The following ERI3 variants were observed in gnomAD, a reference collection of about 807,000 sequenced individuals.
ERI3 encodes ERI1 exoribonuclease family member 3.
A neutral mutation model predicts 44.4 loss-of-function variants in ERI3; 18 were observed. The ratio of observed to expected loss-of-function variants is 0.41; its 90% CI spans 0.28 to 0.60. The LOEUF (loss-of-function observed/expected upper bound fraction) is 0.60. Among genes scored for constraint, ERI3 ranks in the 20% least tolerant of loss-of-function variants. ERI3 has a pLI of 0.36. For synonymous variants in ERI3, 183 were observed against 164.8 expected (o/e 1.11, Z -0.84); for missense variants, 294 against 435.5 (o/e 0.68, Z 2.89).
At chr1:44,251,345 T>A (rs1644675358) in intron 7 of ERI3, among the ~76,000 whole-genome samples, 2 of 152,210 alleles carry the variant, frequency 1.3e-5, no homozygotes, top group African/African-American at 4.8e-5. Flanking sequence ...CTGCCACACT[T>A]CCATTACTTG....
chr1:44,321,292 A>G (rs1646197530), intron 3 of ERI3, among the ~76,000 whole-genome samples: 1 of 152,188 alleles, frequency 6.6e-6, no homozygotes, highest in African/African-American at 2.4e-5. Flanking sequence ...CTGATCTCCA[A>G]AGATGAGGAA....
intron 7 of ERI3, among the ~76,000 whole-genome samples, chr1:44,278,784 A>T (rs138619272): frequency 1.3e-5 from 2 of 152,138 alleles, no homozygotes; most frequent in Admixed American, 6.5e-5. Context: ...TATTTTTTAA[A>T]TAAAGACGAG....
At chr1:44,335,700 G>A (rs1430658265) in intron 3 of ERI3, among the ~76,000 whole-genome samples, 1 of 144,772 alleles carries the variant, frequency 6.9e-6, no homozygotes. Context: ...GCGGTGAGCC[G>A]AGATCACACC....
At chr1:44,352,575 C>G (rs188860006) in intron 2 of ERI3, among the ~76,000 whole-genome samples, 5 of 152,322 alleles carry the variant, frequency 3.3e-5, no homozygotes, top group Admixed American at 6.5e-5. Context: ...AAAGTAGGTG[C>G]TCATGAGATG....
chr1:44,352,745 A>G (rs1646920877), intron 2 of ERI3, 105 bp downstream of exon 2: 1 of 1,254,778 alleles, frequency 8.0e-7, no homozygotes, highest in Non-Finnish European at 1.1e-6. Context: ...TTGGGGATAC[A>G]TGGGAAAAAA....
rs1491326880 is a variant in ERI3, at chr1:44,281,876, A to ATGTGTG, written c.831+2958_831+2959insCACACA. Among the ~76,000 whole-genome samples the ATGTGTG allele has an allele frequency of 3.2e-4, 31 of 96,858 alleles. 1 individual carries two copies. Among genetic ancestry groups the ATGTGTG allele is most frequent in the South Asian group, 2.5e-3 (7 of 2,826 alleles). The allele number at this position is 96,858 out of a possible 152,430, so 63.5% of individuals were successfully genotyped here. A position where few individuals can be genotyped will look rare whatever the true frequency, so the allele number is the denominator to read the frequency against. ...TACATGTGTATATTTATACATGTGC[A>ATGTGTG]TATGTGTGTGTGTGTGTGTGTGTGT... is the stretch of plus-strand genomic sequence containing the variant. On this transcript the variant is annotated intron_variant, in intron 7 of 8. Coordinates refer to ENST00000372257, the MANE Select transcript of ERI3 (RefSeq NM_024066.3).
Position 44,221,885 on chromosome 1 carries a change from T to C in ERI3, c.932-245A>G, listed in dbSNP as rs114814538. Among the ~76,000 whole-genome samples the C allele has an allele frequency of 0.014, 2,134 of 152,312 alleles. 49 individuals are homozygous for C. Among genetic ancestry groups the C allele is most frequent in the African/African-American group, 0.048 (2,011 of 41,570 alleles). Reference sequence around the variant, plus strand: ...AATTCATGCTGGAAATTGGCCGGCATGTCCCGCCCCAGCCCCAGCGGTGAT... The same window carrying C: ...AATTCATGCTGGAAATTGGCCGGCACGTCCCGCCCCAGCCCCAGCGGTGAT... On this transcript the variant is annotated intron_variant, in intron 8 of 8. Transcript: ENST00000372257. The surrounding 1 kb of genome is among the most constrained non-coding windows in gnomAD (Gnocchi z 5.9).
chr1:44,284,368 AG>A (rs1349089911), intron 7 of ERI3, among the ~76,000 whole-genome samples: 1 of 152,214 alleles, frequency 6.6e-6, no homozygotes, highest in Non-Finnish European at 1.5e-5. Context: ...GGAGCAAGGC[AG>A]GAACAAAGCC....
chr1:44,264,510 C>T (rs538065057), intron 7 of ERI3, among the ~76,000 whole-genome samples: 36 of 152,366 alleles, frequency 2.4e-4, no homozygotes, highest in Non-Finnish European at 4.8e-4. Flanking sequence ...CGCGCCTGGA[C>T]GGATTTCTCA....
chr1:44,259,912 TAGATAGATAGACAGAC>T (rs950070175), intron 7 of ERI3, among the ~76,000 whole-genome samples: 15 of 142,252 alleles, frequency 1.1e-4, no homozygotes, highest in Admixed American at 4.8e-4. Context: ...GATAGATAGA[TAGATAGATAGACAGAC>T]AGACAGACAG....
intron 3 of ERI3, among the ~76,000 whole-genome samples, chr1:44,338,267 T>C (rs1384247670): frequency 6.6e-6 from 1 of 152,238 alleles, no homozygotes. Flanking sequence ...ACAGTTCCTG[T>C]GAGTCAGGAA....
intron 7 of ERI3, among the ~76,000 whole-genome samples, chr1:44,251,314 A>G (rs1345361402): frequency 6.6e-6 from 1 of 152,266 alleles, no homozygotes; most frequent in Non-Finnish European, 1.5e-5. Flanking sequence ...CCACAAATGC[A>G]TCGGACTTGC....
intron 8 of ERI3, among the ~76,000 whole-genome samples, chr1:44,234,161 C>T (rs1355026540): frequency 2.6e-5 from 4 of 152,152 alleles, no homozygotes; most frequent in Non-Finnish European, 5.9e-5. Context: ...AACTTATCCC[C>T]TCCTGGAGCT....
At chr1:44,350,960 G>A (rs1006444235) in intron 2 of ERI3, among the ~76,000 whole-genome samples, 2 of 151,972 alleles carry the variant, frequency 1.3e-5, no homozygotes, top group African/African-American at 2.4e-5. Flanking sequence ...AATTGCCACA[G>A]CCTCCTGACT....
intron 7 of ERI3, among the ~76,000 whole-genome samples, chr1:44,255,670 T>A (rs374331713): frequency 2.0e-5 from 3 of 152,204 alleles, no homozygotes; most frequent in South Asian, 2.1e-4. Flanking sequence ...ATTCTCCATA[T>A]GTTTAAAGCT....
rs1644282289 is a variant in ERI3, at chr1:44,235,446, A to G, written c.931+12493T>C. The stretch of plus-strand genomic sequence containing the variant: ...TCCCACAGCAGCCAATTCTCCGCCT[A>G]TCGTAACTGCCTCTCCTTCACCTCC... On this transcript the variant is annotated intron_variant, in intron 8 of 8. Transcript: ENST00000372257. This position sits in a 1 kb window ranked among gnomAD's most constrained non-coding sequence, Gnocchi z 4.6. Among the ~76,000 whole-genome samples the G allele has an allele frequency of 6.6e-6, 1 of 152,110 alleles. No homozygotes were observed. Among genetic ancestry groups the G allele is most frequent in the African/African-American group, 2.4e-5 (1 of 41,406 alleles).
At chr1:44,351,922 C>G (rs1646899111) in intron 2 of ERI3, among the ~76,000 whole-genome samples, 1 of 152,086 alleles carries the variant, frequency 6.6e-6, no homozygotes, top group Non-Finnish European at 1.5e-5. Context: ...CCTGAGTCTA[C>G]AAGTCTGGGT....
intron 7 of ERI3, among the ~76,000 whole-genome samples, chr1:44,275,751 C>T (rs184369727): frequency 3.9e-5 from 6 of 152,266 alleles, no homozygotes; most frequent in African/African-American, 1.4e-4. Flanking sequence ...TTCTAGGTGG[C>T]CCTTATCCCT....
At chr1:44,317,524 T>G (rs982872443) in intron 4 of ERI3, among the ~76,000 whole-genome samples, 5 of 152,186 alleles carry the variant, frequency 3.3e-5, no homozygotes, top group African/African-American at 1.2e-4. Context: ...CTTGACAATA[T>G]TCATTCATTT....
Sources: allele counts gnomAD v4.1 joint callset (sites outside exome capture counted in the v4.1 genomes callset), GRCh38; gene constraint gnomAD v4.1.1; non-coding constraint Gnocchi (gnomAD v3.1); transcripts MANE v1.5; gene names NCBI Gene and HGNC (gene_info 2026-07-23, HGNC 2026-07-21).